Variants in MACROD2 observed in about 807,000 individuals in gnomAD.
The protein encoded by MACROD2 is mono-ADP ribosylhydrolase 2.
A neutral mutation model predicts 70.4 loss-of-function variants in MACROD2; 36 were observed. The observed-to-expected ratio is 0.51, with a 90% CI of 0.39 to 0.68. The LOEUF is 0.68. MACROD2 is among the 30% of genes least tolerant of loss of function. The pLI is 0.00. For synonymous variants in MACROD2, 172 were observed against 178.8 expected (o/e 0.96, Z 0.30); for missense variants, 496 against 538.4 (o/e 0.92, Z 0.78).
intron 3 of MACROD2, among the ~76,000 whole-genome samples, chr20:14,104,518 C>T (rs2054342966): frequency 6.6e-6 from 1 of 152,168 alleles, no homozygotes; most frequent in South Asian, 2.1e-4. Flanking sequence ...AGCATAGTAC[C>T]TACCATGTAG....
chr20:15,298,698 A>G (rs1294512773), intron 6 of MACROD2, among the ~76,000 whole-genome samples: 7 of 152,210 alleles, frequency 4.6e-5, no homozygotes, highest in Non-Finnish European at 8.8e-5. Flanking sequence ...GTTGTTGGTT[A>G]CATTCTGCAT....
intron 5 of MACROD2, among the ~76,000 whole-genome samples, chr20:15,007,077 A>G: frequency 6.6e-6 from 1 of 151,568 alleles, no homozygotes; most frequent in East Asian, 1.9e-4. Context: ...ATAAAAACCC[A>G]GGAGAGGCCG....
chr20:15,458,642 A>ATT (rs773495490), intron 7 of MACROD2, among the ~76,000 whole-genome samples: 4,580 of 124,484 alleles, frequency 0.037, 102 homozygotes, highest in South Asian at 0.073. Context: ...TTTTTTTTAA[A>ATT]AAAAAAAAAG....
chr20:14,288,081 G>C (rs2082358831), intron 3 of MACROD2, among the ~76,000 whole-genome samples: 1 of 151,934 alleles, frequency 6.6e-6, no homozygotes, highest in Non-Finnish European at 1.5e-5. Flanking sequence ...ACCACAGGGA[G>C]GTAGGAATCA....
At chr20:15,601,279 C>G (rs2048816206) in intron 8 of MACROD2, among the ~76,000 whole-genome samples, 2 of 152,130 alleles carry the variant, frequency 1.3e-5, no homozygotes, top group Non-Finnish European at 2.9e-5. Flanking sequence ...CTCAGGAGCT[C>G]CTCTGTGGAT....
At chr20:15,176,553 G>A (rs1457166790) in intron 5 of MACROD2, among the ~76,000 whole-genome samples, 2 of 152,242 alleles carry the variant, frequency 1.3e-5, no homozygotes, top group African/African-American at 4.8e-5. Context: ...TCTCTGCTGA[G>A]AGCTGGACAC....
chr20:14,204,936 A>G (rs2081510806), intron 3 of MACROD2, among the ~76,000 whole-genome samples: 1 of 152,076 alleles, frequency 6.6e-6, no homozygotes, highest in Admixed American at 6.5e-5. Context: ...CTAGTACTCT[A>G]CATAACTATG....
rs150922133 is a variant in MACROD2, at chr20:14,085,460, G to A, written c.164-161G>A. 5.2e-3 allele frequency among the ~76,000 whole-genome samples: 796 copies of A among 152,204 alleles called. 2 individuals are homozygous for A. Among genetic ancestry groups the A allele is most frequent in the South Asian group, 0.022 (105 of 4,810 alleles). ...TGTTTGTTTTGAGAATTACAAAATAGAGAATAAACCACACCCCTTGTACTT... is the reference window on the plus strand; with the variant it reads ...TGTTTGTTTTGAGAATTACAAAATAAAGAATAAACCACACCCCTTGTACTT... On this transcript the variant is annotated intron_variant, in intron 2 of 17. Coordinates refer to ENST00000684519, the MANE Select transcript of MACROD2 (RefSeq NM_001351661.2).
intron 4 of MACROD2, among the ~76,000 whole-genome samples, chr20:14,608,999 G>A (rs1982989326): frequency 6.6e-6 from 1 of 152,218 alleles, no homozygotes; most frequent in South Asian, 2.1e-4. Context: ...GAGAATTGAA[G>A]GACAGGGGAA....
chr20:15,947,639 G>C (rs1568660516), intron 12 of MACROD2, among the ~76,000 whole-genome samples: 1 of 152,040 alleles, frequency 6.6e-6, no homozygotes, highest in Non-Finnish European at 1.5e-5. Context: ...GTAACAGTCT[G>C]ATCGCTCTTT....
intron 5 of MACROD2, among the ~76,000 whole-genome samples, chr20:15,101,515 G>T (rs758396279): frequency 2.5e-5 from 3 of 120,434 alleles, no homozygotes; most frequent in South Asian, 6.7e-4. Flanking sequence ...GTCCAGCACA[G>T]ATAACCCAGG....
chr20:15,183,503 TAAAAA>T (rs570725262), intron 5 of MACROD2, among the ~76,000 whole-genome samples: 6 of 148,122 alleles, frequency 4.1e-5, no homozygotes, highest in Non-Finnish European at 9.0e-5. Flanking sequence ...CCCTGTCTCT[TAAAAA>T]AAAAAATAGA....
intron 2 of MACROD2, among the ~76,000 whole-genome samples, chr20:14,058,354 C>G (rs1217631592): frequency 6.6e-6 from 1 of 150,924 alleles, no homozygotes; most frequent in Non-Finnish European, 1.5e-5. Flanking sequence ...TGAATAATAC[C>G]CTCTGCTAAT....
chr20:15,166,853 A>G (rs908671449), intron 5 of MACROD2, among the ~76,000 whole-genome samples: 28 of 151,264 alleles, frequency 1.9e-4, no homozygotes, highest in African/African-American at 5.5e-4. Context: ...TTAATACTTA[A>G]ATTATTAAAT....
At chr20:15,950,152 CT>C (rs1226319308) in intron 12 of MACROD2, among the ~76,000 whole-genome samples, 1 of 152,108 alleles carries the variant, frequency 6.6e-6, no homozygotes, top group Non-Finnish European at 1.5e-5. Flanking sequence ...GTCTATTTTT[CT>C]ATAAAATATC....
At chr20:14,054,868 A>G (rs1167749244) in intron 2 of MACROD2, among the ~76,000 whole-genome samples, 1 of 152,182 alleles carries the variant, frequency 6.6e-6, no homozygotes, top group African/African-American at 2.4e-5. Context: ...AGAATTATTT[A>G]TCTGTCTTTG....
At chr20:15,477,959 G>C (rs575460728) in intron 7 of MACROD2, among the ~76,000 whole-genome samples, 2 of 152,314 alleles carry the variant, frequency 1.3e-5, no homozygotes, top group Admixed American at 1.3e-4. Flanking sequence ...AAAAAGCCAT[G>C]AGCCAAGGAA....
chr20:14,928,038 G>A (rs2074254248), intron 5 of MACROD2, among the ~76,000 whole-genome samples: 1 of 152,138 alleles, frequency 6.6e-6, no homozygotes, highest in African/African-American at 2.4e-5. Flanking sequence ...TTCTGCAATG[G>A]CACCCACTGG....
At chr20:15,424,202 G>A (rs2046267659) in intron 6 of MACROD2, among the ~76,000 whole-genome samples, 1 of 152,146 alleles carries the variant, frequency 6.6e-6, no homozygotes. Flanking sequence ...CAGAGGAACT[G>A]CAAAATTATA....
Sources: allele counts gnomAD v4.1 joint callset (sites outside exome capture counted in the v4.1 genomes callset), GRCh38; gene constraint gnomAD v4.1.1; transcripts MANE v1.5; gene names NCBI Gene and HGNC (gene_info 2026-07-23, HGNC 2026-07-21).